Variants in SLC6A8 observed in about 807,000 individuals in gnomAD.
SLC6A8 encodes the protein solute carrier family 6 member 8.
Under a neutral mutation model 48.3 loss-of-function variants are expected in SLC6A8, and 6 were observed. The ratio of observed to expected loss-of-function variants is 0.12; its 90% CI spans 0.07 to 0.25. SLC6A8 has a LOEUF of 0.25. SLC6A8 is among the 10% of genes least tolerant of loss of function. The pLI, the probability that SLC6A8 is intolerant of heterozygous loss-of-function variation, is 1.00. For missense variants in SLC6A8, 260 were observed against 551.5 expected (o/e 0.47, Z 5.29); for synonymous variants, 245 against 244.0 (o/e 1.00, Z -0.04).
chrX:153,694,945 C>T (rs2091481149), intron 12 of SLC6A8, 56 bp downstream of exon 12: 9 of 1,118,089 alleles, frequency 8.0e-6, no homozygotes, highest in South Asian at 1.9e-5. Context: ...TTCAACCCAG[C>T]CTGCTTCCTA....
At position 153,688,856 on chromosome X, in the gene SLC6A8, G is replaced by GCGGCCTCCTCCCCCAGCAGGCCGC. The variant is rs2091438214; in HGVS notation, c.262+26_262+49dup. On this transcript the variant is annotated intron_variant, in intron 1 of 12. Coordinates refer to ENST00000253122, the MANE Select transcript of SLC6A8 (RefSeq NM_005629.4). Reference sequence around the variant, plus strand: ...GCGGAGGTGAGTTCCCCCGCCCGCCGCGGCCTCCTCCCCCAGCAGGCCGCC... The same window carrying GCGGCCTCCTCCCCCAGCAGGCCGC: ...GCGGAGGTGAGTTCCCCCGCCCGCCGCGGCCTCCTCCCCCAGCAGGCCGCCGGCCTCCTCCCCCAGCAGGCCGCC... The GCGGCCTCCTCCCCCAGCAGGCCGC allele has an allele frequency of 9.6e-7, 1 of 1,040,405 alleles. No homozygotes were observed. The highest frequency in any genetic ancestry group is 2.9e-5 in the Admixed American group (1 of 34,723). 85.7% of individuals were successfully genotyped at this position (1,040,405 alleles called of 1,213,427 possible).
chrX:153,691,969 C>A lies in SLC6A8; in HGVS notation c.645-6C>A. 1.7e-6 allele frequency: 2 copies of A among 1,191,140 alleles called. No homozygotes were observed. Among genetic ancestry groups the A allele is most frequent in the Non-Finnish European group, 2.3e-6 (2 of 880,238 alleles). Reference sequence around the variant, plus strand: ...AGGCCTCATGGGACCTCCCTCCCTCCCCTAGGAACAAAGTCTTGAGGCTGT... The same window carrying A: ...AGGCCTCATGGGACCTCCCTCCCTCACCTAGGAACAAAGTCTTGAGGCTGT... On this transcript the variant is annotated splice_polypyrimidine_tract_variant and splice_region_variant and intron_variant, in intron 3 of 12. Transcript: ENST00000253122.
Position 153,692,002 on chromosome X carries a change from A to C in SLC6A8, c.672A>C (p.Gly224=). The C allele has an allele frequency of 1.7e-6, 2 of 1,189,680 alleles. No individual in the cohort carries two copies. Among genetic ancestry groups the C allele is most frequent in the Non-Finnish European group, 2.3e-6 (2 of 878,307 alleles). Residue 224 remains glycine (G), a synonymous_variant, in exon 4 of 13, where the codon GGA becomes GGC. Coordinates refer to ENST00000253122, the MANE Select transcript of SLC6A8 (RefSeq NM_005629.4). ...ACAAAGTCTTGAGGCTGTCTGGGGG[A>C]CTGGAGGTGCCAGGGGCCCTCAACT... ...WENKVLRLSG[G]LEVPGALNWE...
chrX:153,694,509 C>T (rs782037047), intron 10 of SLC6A8, 24 bp from the exon 11 acceptor site: 1 of 1,198,435 alleles, frequency 8.3e-7, no homozygotes, highest in Non-Finnish European at 1.1e-6. Context: ...TCCAGCTTGG[C>T]CCTCCCGCCT....
At chrX:153,693,019 G>A (rs782507847) in intron 4 of SLC6A8, 22 bp from the exon 5 acceptor site, 49 of 1,209,034 alleles carry the variant, frequency 4.1e-5, no homozygotes, top group Admixed American at 3.5e-4. Flanking sequence ...CACAGCCTCC[G>A]CTGAGCAGCC....
intron 12 of SLC6A8, 48 bp from the exon 13 acceptor site, chrX:153,695,026 G>A: frequency 8.5e-7 from 1 of 1,176,976 alleles, no homozygotes; most frequent in African/African-American, 1.8e-5. Flanking sequence ...TCACCGTGGG[G>A]ACGAGCAGGT....
rs2091484075 is a variant in SLC6A8 at position 153,695,293 on chromosome X, G to A, written c.*79G>A. ...CAGCCCCACCGCACCCCTCCAGGGG[G>A]CCTGCCTTTCCCTGACACTTTTGGG... On this transcript the variant is annotated 3_prime_UTR_variant, in exon 13 of 13. Coordinates refer to ENST00000253122, the MANE Select transcript of SLC6A8 (RefSeq NM_005629.4). The A allele has an allele frequency of 1.8e-5, 19 of 1,049,636 alleles. No homozygotes were observed. The highest frequency in any genetic ancestry group is 4.0e-5 in the South Asian group (2 of 50,223). The allele number at this position is 1,049,636 out of a possible 1,213,427, so 86.5% of individuals were successfully genotyped here. A position where few individuals can be genotyped will look rare whatever the true frequency, so the allele number is the denominator to read the frequency against.
In SLC6A8 at chrX:153,694,621, G is replaced by A. The variant is rs201838389; in HGVS notation, c.1584G>A (p.Pro528=). The change falls in exon 11 of 13, where the codon CCG becomes CCA. Residue 528 remains proline (P), a synonymous_variant. Coordinates refer to ENST00000253122, the MANE Select transcript of SLC6A8 (RefSeq NM_005629.4). ...WMKWCWSFFT[P]LVCMGIFIFN... is the part of the protein sequence containing the mutation. The stretch of plus-strand genomic sequence containing the variant: ...AATGGTGCTGGTCCTTCTTCACCCC[G>A]CTGGTCTGCATGGTAAGGGCTGGGG... 231 of 1,201,026 alleles carry A rather than the reference G, an allele frequency of 1.9e-4. No individual in the cohort carries two copies. The highest frequency in any genetic ancestry group is 2.1e-4 in the East Asian group (7 of 33,599).
intron 4 of SLC6A8, 45 bp downstream of exon 4, chrX:153,692,152 A>G (rs2091459380): frequency 3.4e-6 from 4 of 1,165,111 alleles, no homozygotes; most frequent in Non-Finnish European, 4.6e-6. Flanking sequence ...CAGCCCTGGG[A>G]GCCGGATGTC....
In SLC6A8 at chrX:153,694,766, C is replaced by A. The variant is rs373130978; in HGVS notation, c.1644C>A (p.Asn548Lys). Residue 548 changes from asparagine (N) to lysine (K), a missense_variant, in exon 12 of 13, where the codon AAC becomes AAA. Asn to Lys is a moderately conservative substitution (Grantham distance 94). Coordinates refer to ENST00000253122, the MANE Select transcript of SLC6A8 (RefSeq NM_005629.4). The stretch of plus-strand genomic sequence containing the variant: ...TGTACTACGAGCCGCTGGTCTACAA[C>A]AACACCTACGTGTACCCGTGGTGGG... ...NVVYYEPLVY[N>K]NTYVYPWWGE... 1 of 1,209,668 alleles carries A rather than the reference C, an allele frequency of 8.3e-7. No individual in the cohort carries two copies. The highest frequency in any genetic ancestry group is 1.1e-6 in the Non-Finnish European group (1 of 894,807).
intron 2 of SLC6A8, 135 bp downstream of exon 2, chrX:153,690,641 G>A (rs1301013290): frequency 4.0e-6 from 3 of 742,303 alleles, no homozygotes; most frequent in Non-Finnish European, 6.0e-6. Context: ...GGAGCCTGGA[G>A]GAGATGTTCA....
intron 4 of SLC6A8, chrX:153,692,729 A>G: frequency 2.5e-6 from 1 of 398,275 alleles, no homozygotes; most frequent in South Asian, 2.6e-5. Flanking sequence ...CTGCCCACAC[A>G]CTCATACAGC....
In SLC6A8 at chrX:153,695,894, G is replaced by C. The variant is rs1377238161; in HGVS notation, c.*680G>C. 2 of 124,058 alleles carry C rather than the reference G, an allele frequency of 1.6e-5. No individual in the cohort carries two copies. The highest frequency in any genetic ancestry group is 8.1e-5 in the Admixed American group (1 of 12,377). The allele number at this position is 124,058 out of a possible 1,213,427, so 10.2% of individuals were successfully genotyped here. On this transcript the variant is annotated 3_prime_UTR_variant, in exon 13 of 13. Coordinates refer to ENST00000253122, the MANE Select transcript of SLC6A8 (RefSeq NM_005629.4). ...CAAAGGTGAATGCCAGATGTAAATG[G>C]CGCCTCTGGGCAAAGGAGGCTTGTA...
rs1285892360 is a variant in SLC6A8 at position 153,688,179 on chromosome X, G to A, written c.-396G>A. On this transcript the variant is annotated 5_prime_UTR_variant, in exon 1 of 13. Coordinates refer to ENST00000253122, the MANE Select transcript of SLC6A8 (RefSeq NM_005629.4). ...CCGCCGCTTGCAGACCGCGGGCGCCGATGTCGCCCGCGCCCCGCTAGGCTG... is the reference window on the plus strand; with the variant it reads ...CCGCCGCTTGCAGACCGCGGGCGCCAATGTCGCCCGCGCCCCGCTAGGCTG... The A allele has an allele frequency of 1.0e-5, 1 of 97,350 alleles. No homozygotes were observed. Among genetic ancestry groups the A allele is most frequent in the Non-Finnish European group, 2.1e-5 (1 of 47,633 alleles). The allele number at this position is 97,350 out of a possible 1,213,427, so 8.0% of individuals were successfully genotyped here.
chrX:153,696,100 G>T lies in SLC6A8; in HGVS notation c.*886G>T. 5.1e-6 allele frequency: 1 copy of T among 195,200 alleles called. No homozygotes were observed. Among genetic ancestry groups the T allele is most frequent in the South Asian group, 7.4e-5 (1 of 13,463 alleles). The allele number at this position is 195,200 out of a possible 1,213,427, so 16.1% of individuals were successfully genotyped here. On this transcript the variant is annotated 3_prime_UTR_variant, in exon 13 of 13. Transcript: ENST00000253122. Reference sequence around the variant, plus strand: ...TCTAACTTTCATAGGCAAAACAAAAGCTTCGAGCTGTTGCGTGTGTGAGTC... The same window carrying T: ...TCTAACTTTCATAGGCAAAACAAAATCTTCGAGCTGTTGCGTGTGTGAGTC...
At chrX:153,694,698 C>T (rs2091478706) in intron 11 of SLC6A8, 21 bp from the exon 12 acceptor site, 14 of 1,210,003 alleles carry the variant, frequency 1.2e-5, no homozygotes, top group Non-Finnish European at 1.6e-5. Flanking sequence ...GCCCCATTAA[C>T]CGCAGCATTC....
Position 153,695,251 on chromosome X carries a change from C to T in SLC6A8, c.*37C>T. 5 of 1,158,922 alleles carry T rather than the reference C, an allele frequency of 4.3e-6. No homozygotes were observed. Among genetic ancestry groups the T allele is most frequent in the Non-Finnish European group, 5.8e-6 (5 of 863,143 alleles). ...ACATCACCAGCTCACCTCTGGTAGC[C>T]ATAGCAGCCCCTGCTTCAGCCCCAC... On this transcript the variant is annotated 3_prime_UTR_variant, in exon 13 of 13. Coordinates refer to ENST00000253122, the MANE Select transcript of SLC6A8 (RefSeq NM_005629.4).
At chrX:153,690,599 G>C in intron 2 of SLC6A8, 93 bp downstream of exon 2, 1 of 982,609 alleles carries the variant, frequency 1.0e-6, no homozygotes, top group South Asian at 2.1e-5. Context: ...ACCAGGCCTG[G>C]GGCCACGTGA....
chrX:153,694,905 G>T lies in SLC6A8; in HGVS notation c.1767+16G>T. ...CATGGCTGAGGTAAGGCTCCCGCCCGGCCCGCCCTCCCCTCCCCTGCTGTG... is the reference window on the plus strand; with the variant it reads ...CATGGCTGAGGTAAGGCTCCCGCCCTGCCCGCCCTCCCCTCCCCTGCTGTG... On this transcript the variant is annotated intron_variant, in intron 12 of 12. Coordinates refer to ENST00000253122, the MANE Select transcript of SLC6A8 (RefSeq NM_005629.4). The T allele has an allele frequency of 2.7e-6, 1 of 364,292 alleles. No homozygotes were observed. The highest frequency in any genetic ancestry group is 4.3e-6 in the Non-Finnish European group (1 of 230,532). The allele number at this position is 364,292 out of a possible 1,213,427, so 30.0% of individuals were successfully genotyped here. A position where few individuals can be genotyped will look rare whatever the true frequency, so the allele number is the denominator to read the frequency against.
Sources: allele counts gnomAD v4.1 joint callset, GRCh38; gene constraint gnomAD v4.1.1; transcripts MANE v1.5; gene names NCBI Gene and HGNC (gene_info 2026-07-23, HGNC 2026-07-21).